Variants in TRPC5 observed in about 807,000 individuals in gnomAD.
TRPC5 encodes short transient receptor potential channel 5.
In TRPC5, 9 loss-of-function variants were observed where a neutral mutation model predicts 56.5. The observed-to-expected ratio is 0.16, with a 90% CI of 0.10 to 0.28. The LOEUF (loss-of-function observed/expected upper bound fraction) is 0.28. Ranked by LOEUF, TRPC5 falls within the 10% of genes least tolerant of loss-of-function variation. The pLI, the probability that TRPC5 is intolerant of heterozygous loss-of-function variation, is 1.00. For synonymous variants in TRPC5, 282 were observed against 278.5 expected (o/e 1.01, Z -0.13); for missense variants, 469 against 748.9 (o/e 0.63, Z 4.36).
chrX:111,931,364 T>C (rs1244767978), intron 2 of TRPC5, among the ~76,000 whole-genome samples: 1 of 112,463 alleles, frequency 8.9e-6, no homozygotes, highest in Admixed American at 9.4e-5. Flanking sequence ...CAAATGAATG[T>C]GGAGAAGGGT....
intron 1 of TRPC5, among the ~76,000 whole-genome samples, chrX:112,024,917 TCTATGC>T (rs1162110373): frequency 8.9e-6 from 1 of 112,179 alleles, no homozygotes. Context: ...ACTCTCTCAC[TCTATGC>T]CTATGCCATA....
At chrX:112,039,303 A>C (rs1036176846) in intron 1 of TRPC5, among the ~76,000 whole-genome samples, 1 of 109,402 alleles carries the variant, frequency 9.1e-6, no homozygotes, top group Non-Finnish European at 1.9e-5. Context: ...TAAGCATACT[A>C]GTGGCTTGTA....
intron 1 of TRPC5, among the ~76,000 whole-genome samples, chrX:112,043,593 T>TA (rs1221873317): frequency 9.2e-6 from 1 of 108,676 alleles, no homozygotes; most frequent in African/African-American, 3.4e-5. Context: ...AAAGACTCTG[T>TA]ACTTTCAGTG....
At chrX:111,896,906 T>C in intron 3 of TRPC5, among the ~76,000 whole-genome samples, 1 of 111,761 alleles carries the variant, frequency 8.9e-6, no homozygotes. Flanking sequence ...ATTGTGAGGA[T>C]TAAATGTACT....
intron 7 of TRPC5, among the ~76,000 whole-genome samples, chrX:111,799,519 TCA>T (rs1921233071): frequency 9.0e-6 from 1 of 111,234 alleles, no homozygotes. Context: ...AAGGCTCTTT[TCA>T]CATGGTACTC....
intron 1 of TRPC5, among the ~76,000 whole-genome samples, chrX:111,963,151 A>C (rs1253823054): frequency 1.8e-5 from 2 of 112,537 alleles, no homozygotes; most frequent in Non-Finnish European, 3.8e-5. Flanking sequence ...CAACAGGCTT[A>C]AAAAATGGCA....
intron 1 of TRPC5, among the ~76,000 whole-genome samples, chrX:111,983,747 T>C (rs771512210): frequency 3.4e-4 from 38 of 111,259 alleles, no homozygotes; most frequent in African/African-American, 1.2e-3. Flanking sequence ...TGAACTGTAA[T>C]GTGGCAGCTG....
At chrX:111,907,863 T>A (rs1925683635) in intron 3 of TRPC5, among the ~76,000 whole-genome samples, 1 of 110,990 alleles carries the variant, frequency 9.0e-6, no homozygotes, top group Non-Finnish European at 1.9e-5. Context: ...CATTTTTTTT[T>A]AAGACCAGAT....
intron 3 of TRPC5, among the ~76,000 whole-genome samples, chrX:111,894,070 G>A (rs1354006902): frequency 9.0e-6 from 1 of 111,078 alleles, no homozygotes; most frequent in African/African-American, 3.3e-5. Flanking sequence ...ACCGGAGAAG[G>A]GAACACTATG....
At chrX:112,026,623 CA>C in intron 1 of TRPC5, among the ~76,000 whole-genome samples, 1 of 111,353 alleles carries the variant, frequency 9.0e-6, no homozygotes, top group South Asian at 3.8e-4. Context: ...AAAATTCTAC[CA>C]AAAAGTACGA....
chrX:111,853,734 G>A, intron 4 of TRPC5, 36 bp downstream of exon 4: 2 of 1,166,781 alleles, frequency 1.7e-6, no homozygotes, highest in Middle Eastern at 2.4e-4. Context: ...GGACCATCAG[G>A]CAGTCTGGCC....
At chrX:111,907,781 A>G (rs745852880) in intron 3 of TRPC5, among the ~76,000 whole-genome samples, 1 of 111,617 alleles carries the variant, frequency 9.0e-6, no homozygotes, top group African/African-American at 3.2e-5. Context: ...AGTGTATTAT[A>G]TAATGTGATA....
intron 7 of TRPC5, among the ~76,000 whole-genome samples, chrX:111,799,658 A>C (rs767619491): frequency 2.7e-5 from 3 of 112,044 alleles, no homozygotes; most frequent in South Asian, 7.5e-4. Context: ...TTCAAAGCCC[A>C]AAACAGTAAA....
At chrX:111,985,037 T>C (rs1239494228) in intron 1 of TRPC5, among the ~76,000 whole-genome samples, 1 of 112,446 alleles carries the variant, frequency 8.9e-6, no homozygotes, top group African/African-American at 3.2e-5. Flanking sequence ...AAAGAGGATA[T>C]GGTGGGAATC....
intron 6 of TRPC5, among the ~76,000 whole-genome samples, chrX:111,841,894 A>G (rs940246760): frequency 1.9e-5 from 2 of 107,948 alleles, no homozygotes; most frequent in South Asian, 8.1e-4. Context: ...TATTTTTAAT[A>G]GAGACGGGAT....
chrX:111,850,079 T>A (rs907833692), intron 5 of TRPC5, among the ~76,000 whole-genome samples: 3 of 111,557 alleles, frequency 2.7e-5, no homozygotes, highest in African/African-American at 9.8e-5. Context: ...TGTTATTATG[T>A]CTTTAGCTAA....
intron 3 of TRPC5, among the ~76,000 whole-genome samples, chrX:111,885,409 G>A (rs967956104): frequency 9.0e-6 from 1 of 111,423 alleles, no homozygotes; most frequent in African/African-American, 3.3e-5. Context: ...CCTAATTAAA[G>A]GTTGGTCAAG....
intron 5 of TRPC5, 148 bp from the exon 6 acceptor site, chrX:111,847,584 T>C (rs1922969085): frequency 2.0e-6 from 1 of 505,377 alleles, no homozygotes; most frequent in Admixed American, 3.9e-5. Flanking sequence ...TGACACTATT[T>C]GTCTTTCTTG....
chrX:111,955,700 C>T (rs1021115306), intron 1 of TRPC5, among the ~76,000 whole-genome samples: 1 of 111,789 alleles, frequency 8.9e-6, no homozygotes, highest in Non-Finnish European at 1.9e-5. Flanking sequence ...AGAGGCCAAT[C>T]CTTTCTCTGC....
Sources: gnomAD v4.1 joint callset for allele counts (sites outside exome capture counted in the v4.1 genomes callset) on GRCh38, gnomAD v4.1.1 for gene constraint, MANE v1.5 for transcripts, NCBI Gene and HGNC (gene_info 2026-07-23, HGNC 2026-07-21) for gene names.